The following ZMYM4 variants were observed in gnomAD, a reference collection of about 807,000 sequenced individuals.
ZMYM4 encodes zinc finger MYM-type containing 4.
In ZMYM4, 31 loss-of-function variants were observed where a neutral mutation model predicts 183.2. The ratio of observed to expected loss-of-function variants is 0.17; its 90% CI spans 0.13 to 0.23. The LOEUF is 0.23. Among genes scored for constraint, ZMYM4 ranks in the 10% least tolerant of loss-of-function variants. ZMYM4 has a pLI of 1.00. For synonymous variants in ZMYM4, 592 were observed against 631.2 expected (o/e 0.94, Z 0.93); for missense variants, 1,273 against 1,840.3 (o/e 0.69, Z 5.64).
intron 2 of ZMYM4, among the ~76,000 whole-genome samples, chr1:35,342,478 T>C (rs553491729): frequency 1.1e-4 from 16 of 152,258 alleles, no homozygotes; most frequent in African/African-American, 3.9e-4. Context: ...TCCCTGTCTT[T>C]TGAACTGTAA....
At chr1:35,341,062 C>A (rs972211710) in intron 2 of ZMYM4, among the ~76,000 whole-genome samples, 28 of 151,748 alleles carry the variant, frequency 1.8e-4, no homozygotes, top group African/African-American at 6.8e-4. Context: ...ATTTCTATTA[C>A]ATTCTATTAA....
chr1:35,336,227 T>C (rs1642970378), intron 2 of ZMYM4, among the ~76,000 whole-genome samples: 1 of 152,146 alleles, frequency 6.6e-6, no homozygotes, highest in African/African-American at 2.4e-5. Flanking sequence ...TTGAACCTTC[T>C]TGTACCATGT....
At chr1:35,269,731 A>G (rs1012374503) in intron 1 of ZMYM4, among the ~76,000 whole-genome samples, 4 of 152,196 alleles carry the variant, frequency 2.6e-5, no homozygotes, top group African/African-American at 7.2e-5. Context: ...TTTTCTCATA[A>G]CAGGGATGTA....
intron 1 of ZMYM4, among the ~76,000 whole-genome samples, chr1:35,289,052 G>GT (rs1405439750): frequency 6.6e-6 from 1 of 152,194 alleles, no homozygotes; most frequent in African/African-American, 2.4e-5. Context: ...TGTGCTAGTG[G>GT]TGGGGGTAAG....
chr1:35,353,016 T>C (rs1001597790), intron 2 of ZMYM4, among the ~76,000 whole-genome samples: 5 of 152,232 alleles, frequency 3.3e-5, no homozygotes, highest in Non-Finnish European at 7.3e-5. Context: ...AAATCTACCA[T>C]CCCAAAACCA....
At position 35,389,779 on chromosome 1, in the gene ZMYM4, A is replaced by ATGTGTGTGTGTGTGTGTG. The variant is rs879004452; in HGVS notation, c.2437-168_2437-167insGTGTGTGTGTGTGTGTGT. On this transcript the variant is annotated intron_variant, in intron 14 of 29. Coordinates refer to ENST00000314607, the MANE Select transcript of ZMYM4 (RefSeq NM_005095.3). This position sits in a 1 kb window ranked among gnomAD's most constrained non-coding sequence, Gnocchi z 4.0. ...CAAAAAAAAAAAAAAATATATATAT[A>ATGTGTGTGTGTGTGTGTG]TATGTGTGTGTGTGTGTGTGTGTGT... Among the ~76,000 whole-genome samples the ATGTGTGTGTGTGTGTGTG allele has an allele frequency of 8.7e-6, 1 of 114,296 alleles. No homozygotes were observed. Among genetic ancestry groups the ATGTGTGTGTGTGTGTGTG allele is most frequent in the African/African-American group, 6.0e-5 (1 of 16,630 alleles). The allele number at this position is 114,296 out of a possible 152,430, so 75.0% of individuals were successfully genotyped here.
intron 1 of ZMYM4, among the ~76,000 whole-genome samples, chr1:35,273,947 CAGT>C (rs141600370): frequency 0.012 from 1,844 of 152,252 alleles, 37 homozygotes; most frequent in African/African-American, 0.042. Context: ...CACATATAGA[CAGT>C]AGAAAATACG....
At chr1:35,289,346 A>C (rs569304854) in intron 1 of ZMYM4, among the ~76,000 whole-genome samples, 1 of 151,622 alleles carries the variant, frequency 6.6e-6, no homozygotes, top group Admixed American at 6.6e-5. Flanking sequence ...AGATGATGAG[A>C]ATTGGTTGGG....
chr1:35,314,250 ATAGTT>A (rs1641934670), intron 1 of ZMYM4, among the ~76,000 whole-genome samples: 1 of 152,026 alleles, frequency 6.6e-6, no homozygotes, highest in African/African-American at 2.4e-5. Context: ...GACAAAAACT[ATAGTT>A]TATTTTTCTT....
chr1:35,291,087 A>C (rs1167753033), intron 1 of ZMYM4, among the ~76,000 whole-genome samples: 1 of 152,208 alleles, frequency 6.6e-6, no homozygotes, highest in Non-Finnish European at 1.5e-5. Flanking sequence ...AAGATGCAGT[A>C]CATTTTCATT....
At position 35,420,188 on chromosome 1, in the gene ZMYM4, TAGTGA is replaced by T. The variant is rs1041158041; in HGVS notation, c.*516_*520del. 1 of 158,306 alleles carries T rather than the reference TAGTGA, an allele frequency of 6.3e-6. No homozygotes were observed. Among genetic ancestry groups the T allele is most frequent in the African/African-American group, 2.4e-5 (1 of 41,328 alleles). 9.8% of individuals were successfully genotyped at this position (158,306 alleles called of 1,614,324 possible). A position where few individuals can be genotyped will look rare whatever the true frequency, so the allele number is the denominator to read the frequency against. ...AAAATACTCAACTTTTTAAAAAAGA[TAGTGA>T]AGTGGTCTTGATTGATTTTGATTTT... On this transcript the variant is annotated 3_prime_UTR_variant, in exon 30 of 30. Coordinates refer to ENST00000314607, the MANE Select transcript of ZMYM4 (RefSeq NM_005095.3).
chr1:35,339,168 A>G (rs1363214592), intron 2 of ZMYM4, among the ~76,000 whole-genome samples: 1 of 152,094 alleles, frequency 6.6e-6, no homozygotes, highest in African/African-American at 2.4e-5. Context: ...ACATATAAAG[A>G]CTTCTTTTTC....
intron 26 of ZMYM4, among the ~76,000 whole-genome samples, chr1:35,412,721 A>G (rs1244048976): frequency 6.6e-6 from 1 of 152,146 alleles, no homozygotes; most frequent in African/African-American, 2.4e-5. Flanking sequence ...GAAAGTGACT[A>G]TATTAAAAGA....
chr1:35,413,137 G>A (rs774302104), intron 26 of ZMYM4, among the ~76,000 whole-genome samples: 2 of 151,710 alleles, frequency 1.3e-5, no homozygotes, highest in African/African-American at 2.4e-5. Flanking sequence ...CAAACTCCCA[G>A]GTTCAAACAA....
Position 35,415,678 on chromosome 1 carries a change from T to A in ZMYM4, c.4273T>A (p.Phe1425Ile). The change falls in exon 28 of 30, where the codon TTC (phenylalanine) becomes ATC (isoleucine). Residue 1425 changes from phenylalanine (F) to isoleucine (I), a missense_variant. Physicochemically the swap from Phe to Ile is conservative, Grantham distance 21. Coordinates refer to ENST00000314607, the MANE Select transcript of ZMYM4 (RefSeq NM_005095.3). ...KYSTKMTYLR[F>I]FPPLQKQESE... ...CAGTACCAAGATGACATATCTGAGG[T>A]TCTTCCCACCTTTACAGAAGCAGGA... The A allele has an allele frequency of 6.2e-7, 1 of 1,613,718 alleles. No homozygotes were observed. Among genetic ancestry groups the A allele is most frequent in the Non-Finnish European group, 8.5e-7 (1 of 1,180,004 alleles).
intron 2 of ZMYM4, among the ~76,000 whole-genome samples, chr1:35,326,343 A>G (rs1303021977): frequency 1.3e-5 from 2 of 152,080 alleles, no homozygotes; most frequent in Non-Finnish European, 2.9e-5. Context: ...TTATTTACCC[A>G]GTTTTTGGTG....
At chr1:35,390,143 AG>A in intron 15 of ZMYM4, 45 bp downstream of exon 15, 1 of 1,579,304 alleles carries the variant, frequency 6.3e-7, no homozygotes, top group Non-Finnish European at 8.6e-7. Flanking sequence ...GGTCAATACT[AG>A]GAACTACTGT....
intron 1 of ZMYM4, among the ~76,000 whole-genome samples, chr1:35,304,903 T>C (rs1641461259): frequency 6.6e-6 from 1 of 152,108 alleles, no homozygotes; most frequent in African/African-American, 2.4e-5. Flanking sequence ...TGGAGTGCTG[T>C]GGCGCAATCT....
chr1:35,338,618 A>G (rs1252893135), intron 2 of ZMYM4, among the ~76,000 whole-genome samples: 1 of 152,220 alleles, frequency 6.6e-6, no homozygotes, highest in Non-Finnish European at 1.5e-5. Flanking sequence ...GTCACCTCAC[A>G]TCTGGCCAAC....
Sources: gnomAD v4.1 joint callset for allele counts (sites outside exome capture counted in the v4.1 genomes callset) on GRCh38, gnomAD v4.1.1 for gene constraint, Gnocchi (gnomAD v3.1) non-coding constraint, MANE v1.5 for transcripts, NCBI Gene and HGNC (gene_info 2026-07-23, HGNC 2026-07-21) for gene names.